Variants in LMNTD1 observed in about 807,000 individuals in gnomAD.
The protein encoded by LMNTD1 is lamin tail domain containing 1, also known as lamin tail domain-containing protein 1.
In LMNTD1, 35 loss-of-function variants were observed where a neutral mutation model predicts 50.9. The ratio of observed to expected loss-of-function variants is 0.69; its 90% confidence interval spans 0.53 to 0.91. LMNTD1 has a LOEUF of 0.91. LMNTD1 is among the 40% of genes least tolerant of loss of function. The pLI is 0.00. For missense variants in LMNTD1, 470 were observed against 475.5 expected (o/e 0.99, Z 0.11); for synonymous variants, 153 against 161.9 (o/e 0.94, Z 0.42).
chr12:25,573,110 C>T (rs1592047472), intron 1 of LMNTD1, among the ~76,000 whole-genome samples: 2 of 152,244 alleles, frequency 1.3e-5, no homozygotes, highest in South Asian at 4.1e-4. Context: ...CCCCGACCTC[C>T]TGTCTTTCTC....
At chr12:25,526,702 G>T in intron 5 of LMNTD1, 67 bp downstream of exon 5, 1 of 1,056,856 alleles carries the variant, frequency 9.5e-7, no homozygotes, top group Non-Finnish European at 1.4e-6. Context: ...CTGAGCCACA[G>T]ACTGTCAGTG....
At chr12:25,626,121 CT>C (rs1946583946) in intron 1 of LMNTD1, among the ~76,000 whole-genome samples, 1 of 152,138 alleles carries the variant, frequency 6.6e-6, no homozygotes, top group Non-Finnish European at 1.5e-5. Flanking sequence ...TCTCTCTAAA[CT>C]GTCTAAAACA....
At chr12:25,539,346 TA>T in intron 4 of LMNTD1, among the ~76,000 whole-genome samples, 1 of 152,108 alleles carries the variant, frequency 6.6e-6, no homozygotes, top group Non-Finnish European at 1.5e-5. Flanking sequence ...TCAGGAAATG[TA>T]AAAGAACAGA....
intron 1 of LMNTD1, among the ~76,000 whole-genome samples, chr12:25,633,232 C>T (rs1172662984): frequency 2.0e-5 from 3 of 151,780 alleles, no homozygotes; most frequent in African/African-American, 7.3e-5. Flanking sequence ...ATAATGGGGG[C>T]CTTCAATACT....
intron 1 of LMNTD1, among the ~76,000 whole-genome samples, chr12:25,563,697 C>A (rs1396981978): frequency 6.6e-6 from 1 of 152,202 alleles, no homozygotes; most frequent in Non-Finnish European, 1.5e-5. Flanking sequence ...TTTAAGTCTG[C>A]AGAAGTTTCT....
intron 1 of LMNTD1, among the ~76,000 whole-genome samples, chr12:25,621,513 T>A (rs2136565565): frequency 6.6e-6 from 1 of 152,348 alleles, no homozygotes; most frequent in African/African-American, 2.4e-5. Context: ...ACAATCAAAT[T>A]AATAAACACA....
At chr12:25,560,101 A>T (rs1007184135) in intron 1 of LMNTD1, among the ~76,000 whole-genome samples, 11 of 152,134 alleles carry the variant, frequency 7.2e-5, no homozygotes, top group Non-Finnish European at 1.3e-4. Flanking sequence ...GGTGTTTTAG[A>T]CATGAAGTCC....
chr12:25,632,687 G>T, intron 1 of LMNTD1, among the ~76,000 whole-genome samples: 1 of 152,016 alleles, frequency 6.6e-6, no homozygotes, highest in Non-Finnish European at 1.5e-5. Context: ...CATCAAAACA[G>T]AATCTCTTTA....
chr12:25,510,889 T>C (rs1202824620), intron 8 of LMNTD1, among the ~76,000 whole-genome samples: 2 of 152,146 alleles, frequency 1.3e-5, no homozygotes, highest in South Asian at 2.1e-4. Context: ...TTAACACTTA[T>C]AGTCCAGAGA....
intron 1 of LMNTD1, among the ~76,000 whole-genome samples, chr12:25,618,735 T>C (rs948523420): frequency 6.6e-6 from 1 of 152,234 alleles, no homozygotes; most frequent in African/African-American, 2.4e-5. Context: ...AATAATTTAA[T>C]AATTGACTTC....
intron 1 of LMNTD1, among the ~76,000 whole-genome samples, chr12:25,589,838 CCAG>C (rs933542591): frequency 2.8e-5 from 3 of 106,398 alleles, no homozygotes; most frequent in Non-Finnish European, 2.1e-5. Context: ...TCTCTTAGAA[CCAG>C]TTACTCTGTG....
chr12:25,530,199 T>G (rs1465277001), intron 4 of LMNTD1, among the ~76,000 whole-genome samples: 1 of 152,204 alleles, frequency 6.6e-6, no homozygotes, highest in Non-Finnish European at 1.5e-5. Flanking sequence ...TTATAATTTA[T>G]TTATGGTATT....
chr12:25,632,505 C>G (rs1224570015), intron 1 of LMNTD1, among the ~76,000 whole-genome samples: 1 of 152,156 alleles, frequency 6.6e-6, no homozygotes, highest in East Asian at 1.9e-4. Flanking sequence ...CCTACTCAAA[C>G]AAAGCAATTA....
At chr12:25,560,282 C>T (rs574537366) in intron 1 of LMNTD1, among the ~76,000 whole-genome samples, 101 of 152,278 alleles carry the variant, frequency 6.6e-4, no homozygotes, top group Non-Finnish European at 1.0e-3. Context: ...TTTCCCAGCA[C>T]CGTTTATTAA....
intron 1 of LMNTD1, among the ~76,000 whole-genome samples, chr12:25,590,405 T>C (rs829059): frequency 0.81 from 123,554 of 152,218 alleles, 50,525 homozygotes; most frequent in Middle Eastern, 0.87. Flanking sequence ...AACTTGAGTT[T>C]CCCAAAGCCT....
intron 8 of LMNTD1, among the ~76,000 whole-genome samples, chr12:25,508,024 T>TA (rs371140228): frequency 0.016 from 2,368 of 152,204 alleles, 32 homozygotes; most frequent in Non-Finnish European, 0.027. Context: ...TTTTTTTTTT[T>TA]AGATTTTCTT....
chr12:25,486,022 G>GT (rs1417537238), intron 9 of LMNTD1, among the ~76,000 whole-genome samples: 1 of 103,812 alleles, frequency 9.6e-6, no homozygotes, highest in African/African-American at 3.8e-5. Context: ...CTTTAAAGTA[G>GT]TTTTTTCCAA....
At chr12:25,529,406 AAG>A (rs529367367) in intron 4 of LMNTD1, among the ~76,000 whole-genome samples, 215 of 152,292 alleles carry the variant, frequency 1.4e-3, no homozygotes, top group African/African-American at 5.0e-3. Flanking sequence ...AAGATCTCAA[AAG>A]GTACCCCTGA....
At chr12:25,646,795 G>T (rs1947081720) in intron 1 of LMNTD1, among the ~76,000 whole-genome samples, 1 of 152,128 alleles carries the variant, frequency 6.6e-6, no homozygotes, top group Admixed American at 6.5e-5. Context: ...GGTAGGTAAG[G>T]ATCTATTGGA....
Sources: allele counts gnomAD v4.1 joint callset (sites outside exome capture counted in the v4.1 genomes callset), GRCh38; gene constraint gnomAD v4.1.1; transcripts MANE v1.5; gene names NCBI Gene and HGNC (gene_info 2026-07-23, HGNC 2026-07-21).